Variants in ASPH observed in about 807,000 individuals in gnomAD.
ASPH encodes the protein aspartate beta-hydroxylase, also known as aspartyl/asparaginyl beta-hydroxylase.
ASPH carries 100 observed loss-of-function variants against 118.4 expected under a neutral mutation model. The observed-to-expected ratio is 0.84, with a 90% CI of 0.72 to 1.00. The LOEUF (loss-of-function observed/expected upper bound fraction) is 1.00, where lower values mean the gene tolerates loss of function less well. ASPH is among the 50% of genes least tolerant of loss of function. The probability of loss-of-function intolerance (pLI) is 0.00; values close to 1 mark genes in which losing one functional copy is unlikely to be tolerated. For synonymous variants in ASPH, 315 were observed against 325.6 expected (o/e 0.97, Z 0.35); for missense variants, 920 against 919.5 (o/e 1.00, Z -0.01).
intron 3 of ASPH, among the ~76,000 whole-genome samples, chr8:61,673,514 C>T (rs2151486779): frequency 6.6e-6 from 1 of 152,276 alleles, no homozygotes; most frequent in South Asian, 2.1e-4. Flanking sequence ...AAGCCTGTTC[C>T]ACAGAGTTTC....
chr8:61,663,956 T>A, intron 3 of ASPH: 1 of 877,430 alleles, frequency 1.1e-6, no homozygotes, highest in Non-Finnish European at 1.4e-6. Context: ...AAAAATCTCG[T>A]TTTTAAGATC....
chr8:61,610,407 A>G lies in ASPH; in HGVS notation c.976+8571T>C, dbSNP rs988052187. On this transcript the variant is annotated intron_variant, in intron 14 of 24. Transcript: ENST00000379454. ...TTGCTAAGACTGATGATATATGCTGAGCTTATTTCAATCACTAAAATTGCC... is the reference window on the plus strand; with the variant it reads ...TTGCTAAGACTGATGATATATGCTGGGCTTATTTCAATCACTAAAATTGCC... Among the ~76,000 whole-genome samples the G allele has an allele frequency of 4.6e-5, 7 of 152,252 alleles. No homozygotes were observed. The South Asian group carries it at 8.3e-4, about 18-fold the overall frequency.
At chr8:61,675,419 G>C (rs1160781450) in intron 3 of ASPH, 4 of 983,846 alleles carry the variant, frequency 4.1e-6, no homozygotes, top group Non-Finnish European at 4.8e-6. Context: ...ACAGAAATAT[G>C]TCATGCTACT....
chr8:61,703,991 C>T lies in ASPH; in HGVS notation c.103+10278G>A, dbSNP rs866466275. Among the ~76,000 whole-genome samples, 15 of 151,634 alleles carry T rather than the reference C, an allele frequency of 9.9e-5. No homozygotes were observed. The South Asian group carries it at 2.9e-3, about 29-fold the overall frequency. On this transcript the variant is annotated intron_variant, in intron 1 of 24. Transcript: ENST00000379454. The stretch of plus-strand genomic sequence containing the variant: ...CGGGCGGATCACGAGGTCAGGAGAT[C>T]GAGACCATCCCGGCTAAAACGGTGA...
intron 21 of ASPH, among the ~76,000 whole-genome samples, chr8:61,531,775 A>G (rs1490530167): frequency 6.6e-6 from 1 of 152,140 alleles, no homozygotes; most frequent in African/African-American, 2.4e-5. Flanking sequence ...GCCACATATA[A>G]GTGATATCAT....
chr8:61,616,860 C>T (rs1455605727), intron 14 of ASPH, among the ~76,000 whole-genome samples: 8 of 152,180 alleles, frequency 5.3e-5, no homozygotes, highest in Admixed American at 5.2e-4. Context: ...GGTCTCCCTA[C>T]TGGGATGTGA....
chr8:61,623,323 T>C (rs1851619361), intron 13 of ASPH, among the ~76,000 whole-genome samples: 1 of 152,222 alleles, frequency 6.6e-6, no homozygotes, highest in African/African-American at 2.4e-5. Flanking sequence ...CCTTTTCGTA[T>C]ACCTGTTTTG....
In ASPH at chr8:61,642,887, C is replaced by G; in HGVS notation, c.790+1G>C. 1 of 1,529,700 alleles carries G rather than the reference C, an allele frequency of 6.5e-7. No individual in the cohort carries two copies. The highest frequency in any genetic ancestry group is 8.7e-7 in the Non-Finnish European group (1 of 1,144,526). 94.8% of individuals were successfully genotyped at this position (1,529,700 alleles called of 1,614,324 possible). A position where few individuals can be genotyped will look rare whatever the true frequency, so the allele number is the denominator to read the frequency against. On this transcript the variant is annotated splice_donor_variant, in intron 10 of 24. Coordinates refer to ENST00000379454, the MANE Select transcript of ASPH (RefSeq NM_004318.4). LOFTEE classifies it high-confidence loss of function. ...AAAAAAAAAAGAAAGCATTTGCAAA[C>G]CTTGTTCCTCATAGACTTGGTATGT...
chr8:61,517,802 T>C, intron 23 of ASPH, 141 bp from the exon 24 acceptor site: 1 of 1,269,408 alleles, frequency 7.9e-7, no homozygotes, highest in Non-Finnish European at 1.1e-6. Flanking sequence ...GTCTTATTTC[T>C]TTGTGAAGGA....
intron 17 of ASPH, among the ~76,000 whole-genome samples, chr8:61,564,495 C>G (rs756544531): frequency 5.3e-5 from 8 of 152,206 alleles, no homozygotes; most frequent in Non-Finnish European, 1.2e-4. Flanking sequence ...GACCAGGTTT[C>G]ACCATGTTGG....
chr8:61,506,541 G>T (rs1267208696), intron 24 of ASPH, among the ~76,000 whole-genome samples: 1 of 152,182 alleles, frequency 6.6e-6, no homozygotes, highest in Non-Finnish European at 1.5e-5. Flanking sequence ...GCATGTGGTA[G>T]AGGAGAAAGA....
chr8:61,705,250 G>A (rs139187573), intron 1 of ASPH, among the ~76,000 whole-genome samples: 285 of 152,276 alleles, frequency 1.9e-3, no homozygotes, highest in African/African-American at 6.3e-3. Context: ...ACTTGAGGGT[G>A]GAGGGTGGGA....
chr8:61,520,732 T>C (rs1220878527), intron 22 of ASPH, among the ~76,000 whole-genome samples: 1 of 152,160 alleles, frequency 6.6e-6, no homozygotes, highest in East Asian at 1.9e-4. Flanking sequence ...AATTCTGAGC[T>C]CTGTGCTGTC....
At chr8:61,533,206 T>C (rs908631903) in intron 21 of ASPH, among the ~76,000 whole-genome samples, 3 of 152,168 alleles carry the variant, frequency 2.0e-5, no homozygotes, top group Non-Finnish European at 4.4e-5. Flanking sequence ...CTTCCATCTT[T>C]GCCTTTTTGT....
rs368345660 is a variant in ASPH, at chr8:61,581,487, A to G, written c.1062+2457T>C. On this transcript the variant is annotated intron_variant, in intron 15 of 24. Coordinates refer to ENST00000379454, the MANE Select transcript of ASPH (RefSeq NM_004318.4). ...TAATAAGATACATTCCTGCAGCTGC[A>G]TGGTAGAATAATCCACTGGTATGAT... Among the ~76,000 whole-genome samples, 26 of 152,360 alleles carry G rather than the reference A, an allele frequency of 1.7e-4. No homozygotes were observed. The East Asian group carries it at 4.6e-3, about 27-fold the overall frequency.
intron 1 of ASPH, among the ~76,000 whole-genome samples, chr8:61,696,916 G>A (rs571111678): frequency 6.6e-6 from 1 of 152,334 alleles, no homozygotes; most frequent in East Asian, 1.9e-4. Flanking sequence ...TCAAGGCAAT[G>A]AGACAAGGAC....
rs566284142 is a variant in ASPH at position 61,647,690 on chromosome 8, AT to A, written c.491-813del. ...TGTCTCAAAATAAATAAATAAATAA[AT>A]TAAATTAAATTAAAAATAAATAAAA... On this transcript the variant is annotated intron_variant, in intron 5 of 24. Coordinates refer to ENST00000379454, the MANE Select transcript of ASPH (RefSeq NM_004318.4). Among the ~76,000 whole-genome samples, 136 of 152,120 alleles carry A rather than the reference AT, an allele frequency of 8.9e-4. 1 individual carries two copies. The highest frequency in any genetic ancestry group is 3.1e-3 in the African/African-American group (128 of 41,512).
At chr8:61,512,907 T>G (rs1809458352) in intron 24 of ASPH, among the ~76,000 whole-genome samples, 1 of 152,190 alleles carries the variant, frequency 6.6e-6, no homozygotes, top group Admixed American at 6.5e-5. Flanking sequence ...TTATTGAGCT[T>G]CTCTGTGTTA....
chr8:61,598,570 T>C (rs1311811724), intron 14 of ASPH, among the ~76,000 whole-genome samples: 1 of 152,170 alleles, frequency 6.6e-6, no homozygotes, highest in Non-Finnish European at 1.5e-5. Context: ...ACTCTGAGTA[T>C]TGGACAGATC....
Sources: gnomAD v4.1 joint callset for allele counts (sites outside exome capture counted in the v4.1 genomes callset) on GRCh38, gnomAD v4.1.1 for gene constraint, MANE v1.5 for transcripts, NCBI Gene and HGNC (gene_info 2026-07-23, HGNC 2026-07-21) for gene names.